The following PCDHGA3 variants were observed in gnomAD, a reference collection of about 807,000 sequenced individuals.
The protein encoded by PCDHGA3 is protocadherin gamma-A3.
Under a neutral mutation model 58.5 loss-of-function variants are expected in PCDHGA3, and 40 were observed. That is an observed-to-expected ratio of 0.68 (90% confidence interval 0.53 to 0.89). The LOEUF (loss-of-function observed/expected upper bound fraction) is 0.89. PCDHGA3 is among the 40% of genes least tolerant of loss of function. The pLI, the probability that PCDHGA3 is intolerant of heterozygous loss-of-function variation, is 0.00. For synonymous variants in PCDHGA3, 530 were observed against 525.7 expected, an observed-to-expected ratio of 1.01 and a Z score of -0.11; for missense variants, 1,223 against 1,195.9, an observed-to-expected ratio of 1.02 and a Z score of -0.33.
At chr5:141,401,669 T>A (rs2094181201) in intron 1 of PCDHGA3, among the ~76,000 whole-genome samples, 1 of 152,234 alleles carries the variant, frequency 6.6e-6, no homozygotes, top group Admixed American at 6.5e-5. Context: ...TTTCTCAACA[T>A]CCTTGTAGGA....
chr5:141,399,937 G>A lies in PCDHGA3; in HGVS notation c.2424+53480G>A. 1.9e-6 allele frequency: 3 copies of A among 1,612,360 alleles called. No individual in the cohort carries two copies. The highest frequency in any genetic ancestry group is 2.5e-6 in the Non-Finnish European group (3 of 1,179,744). ...ACACAACGCCTGGCTGTCCTACCAC[G>A]TGCTGCAGGCTAGCGAGCCCGGGCT... On this transcript the variant is annotated intron_variant, in intron 1 of 3. Transcript: ENST00000253812.
At chr5:141,404,395 CA>C (rs2094524205) in intron 1 of PCDHGA3, 7 of 1,613,768 alleles carry the variant, frequency 4.3e-6, no homozygotes, top group Non-Finnish European at 5.9e-6. Flanking sequence ...ACCCTGATAG[CA>C]ATGAGAATTC....
chr5:141,430,643 T>G (rs1432236231), intron 1 of PCDHGA3: 16 of 946,950 alleles, frequency 1.7e-5, no homozygotes, highest in South Asian at 2.5e-5. Flanking sequence ...CCTGGGAGTA[T>G]GTGGAAACAA....
At chr5:141,415,574 A>G (rs1168111069) in intron 1 of PCDHGA3, 3 of 1,614,066 alleles carry the variant, frequency 1.9e-6, no homozygotes, top group Non-Finnish European at 8.5e-7. Flanking sequence ...TTGTTAGATG[A>G]TTCGAAGTTT....
intron 1 of PCDHGA3, chr5:141,364,749 T>G: frequency 6.2e-7 from 1 of 1,613,916 alleles, no homozygotes; most frequent in Non-Finnish European, 8.5e-7. Flanking sequence ...GAGTTAAAAG[T>G]AAAAGTTAAT....
At chr5:141,376,556 A>G in intron 1 of PCDHGA3, 1 of 1,611,100 alleles carries the variant, frequency 6.2e-7, no homozygotes, top group Non-Finnish European at 8.5e-7. Context: ...TCTTCCCGCA[A>G]CCCAACTAAT....
rs773383689 is a variant in PCDHGA3, at chr5:141,383,358, G to T, written c.2424+36901G>T. 5 of 1,613,982 alleles carry T rather than the reference G, an allele frequency of 3.1e-6. No individual in the cohort carries two copies. The South Asian group carries it at 3.3e-5, about 11-fold the overall frequency. ...ATACAGCTCCTGGGGTTCGGTTTCC[G>T]TTAAGCGAGGCTGGGGATCCAGATG... On this transcript the variant is annotated intron_variant, in intron 1 of 3. Transcript: ENST00000253812.
intron 1 of PCDHGA3, among the ~76,000 whole-genome samples, chr5:141,433,653 T>C (rs1030084681): frequency 6.6e-6 from 1 of 152,024 alleles, no homozygotes; most frequent in Non-Finnish European, 1.5e-5. Flanking sequence ...CTGACCAACA[T>C]GGAGAAACCC....
chr5:141,403,181 C>G (rs1182793881), intron 1 of PCDHGA3: 2 of 1,614,006 alleles, frequency 1.2e-6, no homozygotes, highest in Non-Finnish European at 1.7e-6. Context: ...GCTTTTCTCT[C>G]TGAACCCGCG....
chr5:141,446,797 A>G lies in PCDHGA3; in HGVS notation c.2425-48010A>G, dbSNP rs559881142. ...CCATTCTTTTACTCTGAGTTCTTCC[A>G]TTGTGATCATCTAGTCAGATGGGTA... is the stretch of plus-strand genomic sequence containing the variant. On this transcript the variant is annotated intron_variant, in intron 1 of 3. Coordinates refer to ENST00000253812, the MANE Select transcript of PCDHGA3 (RefSeq NM_018916.4). Among the ~76,000 whole-genome samples, 48 of 152,224 alleles carry G rather than the reference A, an allele frequency of 3.2e-4. No individual in the cohort carries two copies. In the South Asian group the frequency reaches 7.3e-3, roughly 23 times the overall value.
At chr5:141,418,328 G>C in intron 1 of PCDHGA3, 1 of 1,614,002 alleles carries the variant, frequency 6.2e-7, no homozygotes. Flanking sequence ...TCTTGAGTCT[G>C]CAGAAGATCC....
At chr5:141,410,340 T>C (rs1408707323) in intron 1 of PCDHGA3, 5 of 1,614,068 alleles carry the variant, frequency 3.1e-6, no homozygotes, top group Non-Finnish European at 2.5e-6. Context: ...GCCATTGCCT[T>C]GCGCCTGCGA....
chr5:141,384,807 T>C, intron 1 of PCDHGA3: 1 of 1,613,400 alleles, frequency 6.2e-7, no homozygotes, highest in Non-Finnish European at 8.5e-7. Context: ...TGGACAGAGA[T>C]GCCCTCAAGC....
intron 1 of PCDHGA3, chr5:141,351,507 T>A: frequency 2.5e-6 from 4 of 1,613,950 alleles, no homozygotes; most frequent in Non-Finnish European, 3.4e-6. Flanking sequence ...GACTACAACG[T>A]CACAATCATA....
At position 141,345,439 on chromosome 5, in the gene PCDHGA3, C is replaced by A. The variant is rs781570393; in HGVS notation, c.1406C>A (p.Ala469Asp). 4 of 1,614,096 alleles carry A rather than the reference C, an allele frequency of 2.5e-6. No individual in the cohort carries two copies. The highest frequency in any genetic ancestry group is 3.4e-6 in the Non-Finnish European group (4 of 1,180,022). ...AYIPENNPRG[A>D]SIFSVTAQDP... ...ATTCCAGAAAACAACCCCAGAGGAGCCTCCATCTTCTCAGTGACAGCCCAG... is the reference window on the plus strand; with the variant it reads ...ATTCCAGAAAACAACCCCAGAGGAGACTCCATCTTCTCAGTGACAGCCCAG... The change falls in exon 1 of 4, where the codon GCC becomes GAC. Residue 469 changes from alanine to aspartate, a missense_variant. By Grantham distance (126) the Ala-to-Asp change is moderately radical (BLOSUM62 -2). Around this residue, in one of 3 missense-constraint regions of PCDHGA3, gnomAD observed 791 missense variants for 708.5 expected, o/e 1.12. Coordinates refer to ENST00000253812, the MANE Select transcript of PCDHGA3 (RefSeq NM_018916.4).
intron 1 of PCDHGA3, chr5:141,374,063 G>A (rs1770069063): frequency 6.7e-7 from 1 of 1,495,954 alleles, no homozygotes; most frequent in South Asian, 1.4e-5. Context: ...TAATCCCAGA[G>A]AAGTTCCTAA....
At position 141,374,383 on chromosome 5, in the gene PCDHGA3, G is replaced by A. The variant is rs192911480; in HGVS notation, c.2424+27926G>A. On this transcript the variant is annotated intron_variant, in intron 1 of 3. Transcript: ENST00000253812. ...GCGAGGAGCTCTGTGCTCAGAGCCC[G>A]CGGTGTCTGGTGAGTTTTAACATCC... is the stretch of plus-strand genomic sequence containing the variant. 3.7e-6 allele frequency: 6 copies of A among 1,614,036 alleles called. No homozygotes were observed. In the African/African-American group the frequency reaches 8.0e-5, roughly 22 times the overall value.
At chr5:141,403,106 C>A (rs1311418325) in intron 1 of PCDHGA3, 1 of 1,614,066 alleles carries the variant, frequency 6.2e-7, no homozygotes. Context: ...CTCCAAGGAC[C>A]TGGCTCTGGA....
At chr5:141,364,333 G>A in intron 1 of PCDHGA3, 1 of 1,532,742 alleles carries the variant, frequency 6.5e-7, no homozygotes. Flanking sequence ...AGAAGGCAAT[G>A]GCGAGTCCAC....
Sources: gnomAD v4.1 joint callset for allele counts (sites outside exome capture counted in the v4.1 genomes callset) on GRCh38, gnomAD v4.1.1 for gene constraint, gnomAD v4.1.1 regional missense constraint, MANE v1.5 for transcripts, NCBI Gene and HGNC (gene_info 2026-07-23, HGNC 2026-07-21) for gene names.